CASP6: variants seen among roughly 807,000 people sequenced by gnomAD.
The protein encoded by CASP6 is caspase 6, also known as caspase-6.
CASP6 carries 20 observed loss-of-function variants against 31.8 expected under a neutral mutation model. The ratio of observed to expected loss-of-function variants is 0.63; its 90% confidence interval spans 0.44 to 0.91. CASP6 has a LOEUF of 0.91. Among genes scored for constraint, CASP6 ranks in the 40% least tolerant of loss-of-function variants. The pLI, the probability that CASP6 is intolerant of heterozygous loss-of-function variation, is 0.00. For missense variants in CASP6, 328 were observed against 361.1 expected (o/e 0.91, Z 0.74); for synonymous variants, 130 against 127.8 (o/e 1.02, Z -0.12).
the CASP6 span, chr4:109,674,059 G>T: frequency 2.1e-6 from 3 of 1,400,568 alleles, no homozygotes; most frequent in Non-Finnish European, 2.0e-6. Flanking sequence ...CTTTGTTGTA[G>T]GAGCAATGAC....
intron 3 of CASP6, among the ~76,000 whole-genome samples, chr4:109,697,311 G>C (rs1345567549): frequency 6.6e-6 from 1 of 151,942 alleles, no homozygotes; most frequent in Non-Finnish European, 1.5e-5. Flanking sequence ...TCACTCTGTT[G>C]CCCAGCCTGG....
chr4:109,696,249 T>G (rs1481181311), intron 4 of CASP6, among the ~76,000 whole-genome samples, 161 bp downstream of exon 4: 1 of 152,232 alleles, frequency 6.6e-6, no homozygotes, highest in Non-Finnish European at 1.5e-5. Flanking sequence ...CTAAATGTGC[T>G]GGGTAACGGA....
At chr4:109,698,209 A>G in intron 2 of CASP6, 91 bp downstream of exon 2, 1 of 1,374,782 alleles carries the variant, frequency 7.3e-7, no homozygotes, top group Non-Finnish European at 1.0e-6. Flanking sequence ...TTTACTTCCT[A>G]GCTCCCAGGA....
At chr4:109,669,635 T>A in the CASP6 span, among the ~76,000 whole-genome samples, 1 of 152,046 alleles carries the variant, frequency 6.6e-6, no homozygotes, top group Non-Finnish European at 1.5e-5. Flanking sequence ...CCTTCTAGTA[T>A]TCTCATTACA....
At chr4:109,667,234 G>C in the CASP6 span, among the ~76,000 whole-genome samples, 1 of 151,982 alleles carries the variant, frequency 6.6e-6, no homozygotes, top group Non-Finnish European at 1.5e-5. Context: ...TTTCTGTTTT[G>C]GAAATTTATT....
At chr4:109,691,562 G>T (rs1321990266) in intron 5 of CASP6, among the ~76,000 whole-genome samples, 1 of 152,102 alleles carries the variant, frequency 6.6e-6, no homozygotes, top group Non-Finnish European at 1.5e-5. Context: ...GACTCACTCA[G>T]AATTTACATT....
At chr4:109,706,031 T>TATAA (rs1292562229), upstream of CASP6, among the ~76,000 whole-genome samples, 166 of 82,424 alleles carry the variant, frequency 2.0e-3, 2 homozygotes, top group African/African-American at 9.3e-3. Flanking sequence ...TATATATATA[T>TATAA]AATATATATA....
the CASP6 span, among the ~76,000 whole-genome samples, chr4:109,678,129 T>G: frequency 6.6e-6 from 1 of 152,010 alleles, no homozygotes; most frequent in Non-Finnish European, 1.5e-5. Flanking sequence ...AGCACGGGGT[T>G]GGGGGTAAGG....
the CASP6 span, among the ~76,000 whole-genome samples, chr4:109,709,729 T>A: frequency 6.6e-6 from 1 of 152,212 alleles, no homozygotes; most frequent in Non-Finnish European, 1.5e-5. Context: ...GGGAATAAAG[T>A]TAAGTTCAGA....
the CASP6 span, among the ~76,000 whole-genome samples, chr4:109,709,455 A>G: frequency 2.6e-5 from 4 of 152,186 alleles, no homozygotes; most frequent in African/African-American, 9.6e-5. Context: ...GATTCTTCCT[A>G]TATCTGAATA....
intron 3 of CASP6, among the ~76,000 whole-genome samples, chr4:109,696,781 GT>G (rs757024540): frequency 0.045 from 5,659 of 126,720 alleles, 115 homozygotes; most frequent in East Asian, 0.2. Flanking sequence ...ACTCAGGCAA[GT>G]TTTTTTTTTT....
chr4:109,693,685 A>AAAAAAAAAAAAAAAATCG, intron 5 of CASP6, among the ~76,000 whole-genome samples: 1 of 112,002 alleles, frequency 8.9e-6, no homozygotes, highest in Non-Finnish European at 1.8e-5. Context: ...ACTCCATCTC[A>AAAAAAAAAAAAAAAATCG]AAAAAAAAAA....
chr4:109,677,508 A>T, the CASP6 span, among the ~76,000 whole-genome samples: 1 of 152,214 alleles, frequency 6.6e-6, no homozygotes, highest in African/African-American at 2.4e-5. Context: ...CTCAAAATTC[A>T]TGTGTTAGAA....
At chr4:109,685,444 C>T, downstream of CASP6, 1 of 638,920 alleles carries the variant, frequency 1.6e-6, no homozygotes, top group Admixed American at 2.3e-5. Context: ...ACTGGTGGCT[C>T]ATCCTCACAA....
chr4:109,689,077 G>A lies in CASP6; in HGVS notation c.*253C>T, dbSNP rs1195665373. ...CGCAGCCTCCACCTCCTGGGTTCAA[G>A]TGATTCTCCTGCCTCAGCCTTCCAA... On this transcript the variant is annotated 3_prime_UTR_variant, in exon 7 of 7. Coordinates refer to ENST00000265164, the MANE Select transcript of CASP6 (RefSeq NM_001226.4). The A allele has an allele frequency of 9.0e-6, 3 of 331,982 alleles. No individual in the cohort carries two copies. The highest frequency in any genetic ancestry group is 8.3e-5 in the Admixed American group (2 of 24,124). 20.6% of individuals were successfully genotyped at this position (331,982 alleles called of 1,614,324 possible).
chr4:109,684,611 A>G (rs79405119), downstream of CASP6: 1,209 of 1,585,158 alleles, frequency 7.6e-4, 1 homozygote, highest in Middle Eastern at 1.7e-3. Flanking sequence ...TGCAAATTCT[A>G]TGGTCTTTTT....
At chr4:109,708,101 A>T (rs1255940368), upstream of CASP6, among the ~76,000 whole-genome samples, 2 of 152,202 alleles carry the variant, frequency 1.3e-5, no homozygotes, top group Non-Finnish European at 2.9e-5. Context: ...AACTCATCTC[A>T]TACTATTATT....
At chr4:109,708,939 G>A in the CASP6 span, among the ~76,000 whole-genome samples, 3 of 152,176 alleles carry the variant, frequency 2.0e-5, no homozygotes, top group Admixed American at 1.3e-4. Context: ...GAAACAGGCT[G>A]CCCAGGTTCT....
intron 5 of CASP6, 76 bp from the exon 6 acceptor site, chr4:109,691,085 G>A (rs1029832388): frequency 1.9e-5 from 28 of 1,451,554 alleles, no homozygotes; most frequent in Non-Finnish European, 2.5e-5. Context: ...CAGTGAATGT[G>A]TAAGCCAGTA....
Sources: allele counts gnomAD v4.1 joint callset (sites outside exome capture counted in the v4.1 genomes callset), GRCh38; gene constraint gnomAD v4.1.1; transcripts MANE v1.5; gene names NCBI Gene and HGNC (gene_info 2026-07-23, HGNC 2026-07-21).